The following MSI2 variants were observed in gnomAD, a reference collection of about 807,000 sequenced individuals.
The protein encoded by MSI2 is musashi RNA binding protein 2.
In MSI2, 17 loss-of-function variants were observed where a neutral mutation model predicts 45.6. The ratio of observed to expected loss-of-function variants is 0.37; its 90% confidence interval spans 0.26 to 0.56. The LOEUF is 0.56. Among genes scored for constraint, MSI2 ranks in the 20% least tolerant of loss-of-function variants. The pLI, the probability that MSI2 is intolerant of heterozygous loss-of-function variation, is 0.77. For synonymous variants in MSI2, 156 were observed against 158.2 expected, an observed-to-expected ratio of 0.99 and a Z score of 0.11; for missense variants, 293 against 444.2, an observed-to-expected ratio of 0.66 and a Z score of 3.06.
At chr17:57,346,561 T>C (rs568067900) in intron 5 of MSI2, among the ~76,000 whole-genome samples, 24 of 151,330 alleles carry the variant, frequency 1.6e-4, no homozygotes, top group Non-Finnish European at 3.2e-4. Context: ...TAAATAATCT[T>C]TCTTTTTTTG....
intron 6 of MSI2, among the ~76,000 whole-genome samples, chr17:57,427,199 C>T (rs906907842): frequency 4.0e-5 from 6 of 151,250 alleles, no homozygotes; most frequent in African/African-American, 1.5e-4. Flanking sequence ...GTGTTCAAGA[C>T]CAGCCTGGCC....
At position 57,682,850 on chromosome 17, in the gene MSI2, TC is replaced by T. The variant is rs1196302240; in HGVS notation, c.*3336del. 8 of 224,026 alleles carry T rather than the reference TC, an allele frequency of 3.6e-5. No homozygotes were observed. The highest frequency in any genetic ancestry group is 7.1e-5 in the Non-Finnish European group (8 of 112,502). The allele number at this position is 224,026 out of a possible 1,614,324, so 13.9% of individuals were successfully genotyped here. On this transcript the variant is annotated 3_prime_UTR_variant, in exon 14 of 14. Coordinates refer to ENST00000284073, the MANE Select transcript of MSI2 (RefSeq NM_138962.4). The stretch of plus-strand genomic sequence containing the variant: ...GCCTGAGACCCCCGAACTCCTCTCC[TC>T]CCAAGCAGAGGCGAGTGAGTGGCAT...
At chr17:57,441,781 A>G (rs2084804158) in intron 6 of MSI2, among the ~76,000 whole-genome samples, 1 of 152,204 alleles carries the variant, frequency 6.6e-6, no homozygotes, top group Non-Finnish European at 1.5e-5. Context: ...CCATATGGGA[A>G]GTACTTAAAG....
intron 13 of MSI2, 43 bp from the exon 14 acceptor site, chr17:57,679,506 T>C: frequency 9.7e-7 from 1 of 1,031,008 alleles, no homozygotes; most frequent in Non-Finnish European, 1.2e-6. Flanking sequence ...TCCCCTCCAT[T>C]TTATGTTTTC....
At chr17:57,463,131 C>G (rs1348600268) in intron 6 of MSI2, among the ~76,000 whole-genome samples, 2 of 152,204 alleles carry the variant, frequency 1.3e-5, no homozygotes, top group Non-Finnish European at 2.9e-5. Flanking sequence ...ACCTGTGTCC[C>G]TCTGCCCTCT....
intron 11 of MSI2, among the ~76,000 whole-genome samples, chr17:57,660,127 C>G (rs1911886143): frequency 6.6e-6 from 1 of 152,186 alleles, no homozygotes; most frequent in African/African-American, 2.4e-5. Flanking sequence ...GTTCAGGGAT[C>G]CTTTTTCTGC....
intron 6 of MSI2, among the ~76,000 whole-genome samples, chr17:57,470,727 G>A (rs2085419941): frequency 3.3e-5 from 5 of 152,246 alleles, no homozygotes. Flanking sequence ...AGTGCTCCTG[G>A]CAGCCAGCAG....
At chr17:57,518,316 C>A (rs1232744214) in intron 6 of MSI2, among the ~76,000 whole-genome samples, 1 of 152,184 alleles carries the variant, frequency 6.6e-6, no homozygotes, top group Non-Finnish European at 1.5e-5. Flanking sequence ...AAACTCCTTT[C>A]TCCTCTCCCC....
intron 5 of MSI2, among the ~76,000 whole-genome samples, chr17:57,381,597 C>T (rs1056243949): frequency 6.6e-6 from 1 of 152,196 alleles, no homozygotes; most frequent in African/African-American, 2.4e-5. Context: ...TCACTGCTGT[C>T]CTATAGAACT....
At chr17:57,374,338 A>G (rs2143980517) in intron 5 of MSI2, among the ~76,000 whole-genome samples, 1 of 152,336 alleles carries the variant, frequency 6.6e-6, no homozygotes, top group East Asian at 1.9e-4. Context: ...TGAGTATTGA[A>G]GTTTCCCTTT....
chr17:57,573,301 C>T (rs1168336259), intron 7 of MSI2, among the ~76,000 whole-genome samples: 2 of 150,424 alleles, frequency 1.3e-5, no homozygotes, highest in African/African-American at 2.5e-5. Flanking sequence ...GCAACTTCTG[C>T]TTATTGATCC....
At chr17:57,406,071 G>A (rs1044159144) in intron 6 of MSI2, among the ~76,000 whole-genome samples, 1 of 152,150 alleles carries the variant, frequency 6.6e-6, no homozygotes, top group African/African-American at 2.4e-5. Context: ...CTCAGAAGGA[G>A]CAGGTTTTGT....
chr17:57,641,685 G>A (rs1191920790), intron 10 of MSI2, among the ~76,000 whole-genome samples: 15 of 152,214 alleles, frequency 9.9e-5, no homozygotes. Context: ...AGTTAGGGAA[G>A]AGGAGGGTGT....
chr17:57,582,767 C>T (rs1379291645), intron 7 of MSI2, among the ~76,000 whole-genome samples: 1 of 152,094 alleles, frequency 6.6e-6, no homozygotes, highest in East Asian at 1.9e-4. Flanking sequence ...TCAAGTGTTG[C>T]ATTTTTATAT....
intron 7 of MSI2, among the ~76,000 whole-genome samples, chr17:57,562,283 C>A (rs909822193): frequency 6.6e-6 from 1 of 152,182 alleles, no homozygotes; most frequent in African/African-American, 2.4e-5. Context: ...TGGATCCTGG[C>A]CAAGAAGCTT....
rs775864301 is a variant in MSI2, at chr17:57,681,738, A to G, written c.*2221A>G. The G allele has an allele frequency of 6.2e-5, 12 of 192,160 alleles. No homozygotes were observed. The highest frequency in any genetic ancestry group is 1.1e-4 in the Non-Finnish European group (10 of 92,524). The allele number at this position is 192,160 out of a possible 1,614,324, so 11.9% of individuals were successfully genotyped here. On this transcript the variant is annotated 3_prime_UTR_variant, in exon 14 of 14. Coordinates refer to ENST00000284073, the MANE Select transcript of MSI2 (RefSeq NM_138962.4). ...TTCTTTGTTTCTTTTCTTTTCCCCC[A>G]AACAACCAGATTAAATGCTGAGCGC...
chr17:57,391,134 G>A (rs535975897), intron 5 of MSI2, among the ~76,000 whole-genome samples: 7 of 152,344 alleles, frequency 4.6e-5, no homozygotes, highest in Non-Finnish European at 7.3e-5. Context: ...CCTGCAGCCT[G>A]TACTTGGGCT....
At position 57,260,559 on chromosome 17, in the gene MSI2, A is replaced by C. The variant is rs1567722569; in HGVS notation, c.271-1592A>C. ...AGACACCTCTGTCTTACGTACGTCA[A>C]CAGAATGGAAAATCCACACCTGTTG... On this transcript the variant is annotated intron_variant, in intron 4 of 13. Transcript: ENST00000284073. Among the ~76,000 whole-genome samples, 8 of 152,182 alleles carry C rather than the reference A, an allele frequency of 5.3e-5. No homozygotes were observed. The South Asian group carries it at 1.7e-3, about 32-fold the overall frequency.
intron 6 of MSI2, among the ~76,000 whole-genome samples, chr17:57,426,521 A>T (rs1057099640): frequency 2.0e-5 from 3 of 152,222 alleles, no homozygotes; most frequent in African/African-American, 7.2e-5. Flanking sequence ...TAGCATTAGG[A>T]GGTCTCTGAG....
Sources: gnomAD v4.1 joint callset for allele counts (sites outside exome capture counted in the v4.1 genomes callset) on GRCh38, gnomAD v4.1.1 for gene constraint, MANE v1.5 for transcripts, NCBI Gene and HGNC (gene_info 2026-07-23, HGNC 2026-07-21) for gene names.